The following ABLIM2 variants were observed in gnomAD, a reference collection of about 807,000 sequenced individuals.
ABLIM2 encodes actin-binding LIM protein 2.
Under a neutral mutation model 97.7 loss-of-function variants are expected in ABLIM2, and 53 were observed. That is an observed-to-expected ratio of 0.54 (90% confidence interval 0.44 to 0.68). The LOEUF is 0.68. Among genes scored for constraint, ABLIM2 ranks in the 30% least tolerant of loss-of-function variants. The probability of loss-of-function intolerance (pLI) is 0.00; values close to 1 mark genes in which losing one functional copy is unlikely to be tolerated. For missense variants in ABLIM2, 835 were observed against 867.2 expected, an observed-to-expected ratio of 0.96 and a Z score of 0.47; for synonymous variants, 361 against 345.8, an observed-to-expected ratio of 1.04 and a Z score of -0.49.
intron 18 of ABLIM2, 71 bp from the exon 19 acceptor site, chr4:7,983,625 A>C: frequency 6.3e-7 from 1 of 1,575,914 alleles, no homozygotes; most frequent in East Asian, 2.3e-5. Context: ...GGTGAGTGCA[A>C]TCCCTGCCCT....
intron 20 of ABLIM2, among the ~76,000 whole-genome samples, chr4:7,982,491 C>T (rs1574393): frequency 0.17 from 25,765 of 152,184 alleles, 2,726 homozygotes; most frequent in East Asian, 0.5. Flanking sequence ...CACTTTGGCA[C>T]GTAGTAGTTA....
rs978578146 is a variant in ABLIM2, at chr4:8,149,292, T to A, written c.10+9388A>T. ...TGGCAAAATCCTTCACATAGTCGCA[T>A]ATGAACAGTCATTTTGCCGCATGAG... On this transcript the variant is annotated intron_variant, in intron 1 of 20. Coordinates refer to ENST00000447017, the MANE Select transcript of ABLIM2 (RefSeq NM_001130083.2). The surrounding 1 kb of genome is among the most constrained non-coding windows in gnomAD (Gnocchi z 6.4). Among the ~76,000 whole-genome samples the A allele has an allele frequency of 3.9e-5, 6 of 152,134 alleles. No homozygotes were observed. The highest frequency in any genetic ancestry group is 1.4e-4 in the African/African-American group (6 of 41,434).
At chr4:8,020,340 G>T (rs1221644495) in intron 12 of ABLIM2, 37 bp from the exon 13 acceptor site, 1 of 1,554,062 alleles carries the variant, frequency 6.4e-7, no homozygotes, top group Non-Finnish European at 8.9e-7. Context: ...GATAGAAGGG[G>T]AAACGGGAAA....
At position 8,106,717 on chromosome 4, in the gene ABLIM2, G is replaced by A. The variant is rs538976632; in HGVS notation, c.11-80C>T. ...GTGAGCAAAGCAGGCGTGTGAGGAC[G>A]CACAGCTGACCCTGCCAGCGGGCCC... On this transcript the variant is annotated intron_variant, in intron 1 of 20. Coordinates refer to ENST00000447017, the MANE Select transcript of ABLIM2 (RefSeq NM_001130083.2). The A allele has an allele frequency of 1.1e-5, 17 of 1,490,474 alleles. No individual in the cohort carries two copies. In the East Asian group the frequency reaches 1.9e-4, roughly 17 times the overall value. 92.3% of individuals were successfully genotyped at this position (1,490,474 alleles called of 1,614,324 possible).
rs147351263 is a variant in ABLIM2 at position 8,054,316 on chromosome 4, G to A, written c.764-70C>T. 6,793 of 1,527,120 alleles carry A rather than the reference G, an allele frequency of 4.4e-3. 34 individuals are homozygous for A. The highest frequency in any genetic ancestry group is 5.5e-3 in the Non-Finnish European group (6,100 of 1,105,962). The allele number at this position is 1,527,120 out of a possible 1,614,324, so 94.6% of individuals were successfully genotyped here. ...ATGTTGCAGGGGCCTGTGTGGAAACGCAGAGGAGGGAGCTGGTCCATGCAC... is the reference window on the plus strand; with the variant it reads ...ATGTTGCAGGGGCCTGTGTGGAAACACAGAGGAGGGAGCTGGTCCATGCAC... On this transcript the variant is annotated intron_variant, in intron 7 of 20. Transcript: ENST00000447017. The surrounding 1 kb of genome is among the most constrained non-coding windows in gnomAD (Gnocchi z 4.9).
rs147570051 is a variant in ABLIM2, at chr4:8,082,241, C to T, written c.455-1439G>A. On this transcript the variant is annotated intron_variant, in intron 4 of 20. Coordinates refer to ENST00000447017, the MANE Select transcript of ABLIM2 (RefSeq NM_001130083.2). The surrounding 1 kb of genome is among the most constrained non-coding windows in gnomAD (Gnocchi z 5.6). ...ATGGAAAGAAGGTGGCCCCAGGGCC[C>T]GACGTGCTGGGTACAAATCCTGGCC... is the stretch of plus-strand genomic sequence containing the variant. Among the ~76,000 whole-genome samples, 149 of 152,268 alleles carry T rather than the reference C, an allele frequency of 9.8e-4. No individual in the cohort carries two copies. Among genetic ancestry groups the T allele is most frequent in the African/African-American group, 3.2e-3 (134 of 41,544 alleles).
At chr4:8,037,937 C>T (rs1268846329) in intron 9 of ABLIM2, among the ~76,000 whole-genome samples, 11 of 152,230 alleles carry the variant, frequency 7.2e-5, no homozygotes, top group African/African-American at 4.8e-5. Flanking sequence ...AGCCTTCCTC[C>T]GCGGTACCCC....
At position 8,019,663 on chromosome 4, in the gene ABLIM2, C is replaced by T. The variant is rs370025292; in HGVS notation, c.1378G>A (p.Val460Ile). ...GGTTTCCTATAGATGTTATCTTTTA[C>T]GCCAGTGTCTGGGGAAGAAGAAAGA... ...PRHFHVPDTGVKDNIYRKPPI... is the reference protein window; with the variant it reads ...PRHFHVPDTGIKDNIYRKPPI... The change falls in exon 14 of 21, where the codon GTA (valine) becomes ATA (isoleucine). Residue 460 changes from valine (V) to isoleucine (I), a missense_variant. Physicochemically the swap from Val to Ile is conservative, Grantham distance 29 (BLOSUM62 3). Coordinates refer to ENST00000447017, the MANE Select transcript of ABLIM2 (RefSeq NM_001130083.2). This position sits in a 1 kb window ranked among gnomAD's most constrained non-coding sequence, Gnocchi z 4.3. The T allele has an allele frequency of 2.1e-5, 34 of 1,611,758 alleles. No individual in the cohort carries two copies. The highest frequency in any genetic ancestry group is 1.6e-4 in the Middle Eastern group (1 of 6,076).
intron 1 of ABLIM2, among the ~76,000 whole-genome samples, chr4:8,142,169 GC>G: frequency 1.3e-5 from 2 of 152,340 alleles, no homozygotes; most frequent in East Asian, 3.9e-4. Flanking sequence ...ATCTGGGACA[GC>G]AAGGGCCAGG....
rs571004166 is a variant in ABLIM2 at position 8,107,559 on chromosome 4, C to A, written c.11-922G>T. Among the ~76,000 whole-genome samples the A allele has an allele frequency of 5.9e-5, 9 of 152,156 alleles. No individual in the cohort carries two copies. The East Asian group carries it at 1.5e-3, about 26-fold the overall frequency. ...CAGCCACACAGGACCCGGGCAGGAC[C>A]CAGCTGCCCGGACAAGTGGAGGCAA... On this transcript the variant is annotated intron_variant, in intron 1 of 20. Transcript: ENST00000447017.
At chr4:8,097,646 TG>T (rs896038647) in intron 2 of ABLIM2, among the ~76,000 whole-genome samples, 3 of 152,186 alleles carry the variant, frequency 2.0e-5, no homozygotes, top group African/African-American at 7.2e-5. Context: ...TCCAGTGGGC[TG>T]TTTCCAGCAC....
At chr4:8,098,078 G>A (rs1049689196) in intron 2 of ABLIM2, among the ~76,000 whole-genome samples, 3 of 152,128 alleles carry the variant, frequency 2.0e-5, no homozygotes, top group South Asian at 2.1e-4. Context: ...CCTGAGACCC[G>A]ATCGCATTCC....
intron 20 of ABLIM2, among the ~76,000 whole-genome samples, chr4:7,974,367 T>TCATCCATC (rs1180462781): frequency 1.3e-5 from 1 of 74,082 alleles, no homozygotes; most frequent in Non-Finnish European, 2.8e-5. Context: ...ACTCCTCCAT[T>TCATCCATC]CATCCATCCA....
At chr4:8,084,170 T>C (rs751634273) in intron 4 of ABLIM2, among the ~76,000 whole-genome samples, 5 of 152,188 alleles carry the variant, frequency 3.3e-5, no homozygotes, top group Non-Finnish European at 7.4e-5. Context: ...TTTAGGAACC[T>C]GTACTGAGGA....
chr4:8,051,430 G>A (rs1038015917), intron 8 of ABLIM2, among the ~76,000 whole-genome samples: 2 of 151,664 alleles, frequency 1.3e-5, no homozygotes, highest in African/African-American at 4.8e-5. Context: ...GGTGGTGCGT[G>A]GCTGTAGTCC....
Position 8,130,790 on chromosome 4 carries a change from G to A in ABLIM2, c.11-24153C>T, listed in dbSNP as rs764594691. On this transcript the variant is annotated intron_variant, in intron 1 of 20. Coordinates refer to ENST00000447017, the MANE Select transcript of ABLIM2 (RefSeq NM_001130083.2). The surrounding 1 kb of genome is among the most constrained non-coding windows in gnomAD (Gnocchi z 4.2). The stretch of plus-strand genomic sequence containing the variant: ...ACAACAAGGACAGGAATACAAAATC[G>A]GTATCACTGGGCTGATGTCAAGGCA... 2.0e-5 allele frequency among the ~76,000 whole-genome samples: 3 copies of A among 152,174 alleles called. No individual in the cohort carries two copies. The highest frequency in any genetic ancestry group is 2.1e-4 in the South Asian group (1 of 4,828).
rs1781360153 is a variant in ABLIM2, at chr4:8,032,161, T to C, written c.1048-2385A>G. On this transcript the variant is annotated intron_variant, in intron 10 of 20. Coordinates refer to ENST00000447017, the MANE Select transcript of ABLIM2 (RefSeq NM_001130083.2). The surrounding 1 kb of genome is among the most constrained non-coding windows in gnomAD (Gnocchi z 4.3). ...TGCGGCCGCACAGACTGCAGTCTGA[T>C]TGGCAGCTCTCTATGTCACTGATTA... 6.6e-6 allele frequency among the ~76,000 whole-genome samples: 1 copy of C among 151,560 alleles called. No individual in the cohort carries two copies. The highest frequency in any genetic ancestry group is 1.5e-5 in the Non-Finnish European group (1 of 67,910).
intron 2 of ABLIM2, among the ~76,000 whole-genome samples, chr4:8,101,624 C>T (rs1834694273): frequency 6.6e-6 from 1 of 152,214 alleles, no homozygotes; most frequent in Non-Finnish European, 1.5e-5. Flanking sequence ...ACACGTCCTT[C>T]CCTCCCTGCC....
Position 8,044,948 on chromosome 4 carries a change from G to A in ABLIM2, c.900+216C>T, listed in dbSNP as rs1791329256. Among the ~76,000 whole-genome samples the A allele has an allele frequency of 6.6e-6, 1 of 152,200 alleles. No homozygotes were observed. The highest frequency in any genetic ancestry group is 2.4e-5 in the African/African-American group (1 of 41,446). On this transcript the variant is annotated intron_variant, in intron 9 of 20. Coordinates refer to ENST00000447017, the MANE Select transcript of ABLIM2 (RefSeq NM_001130083.2). This position sits in a 1 kb window ranked among gnomAD's most constrained non-coding sequence, Gnocchi z 4.4. ...AGATAATTGGGGACAGGTTCCCAGG[G>A]GAATTGCCGGGTCAAACAAACATGT...
Sources: allele counts gnomAD v4.1 joint callset (sites outside exome capture counted in the v4.1 genomes callset), GRCh38; gene constraint gnomAD v4.1.1; non-coding constraint Gnocchi (gnomAD v3.1); transcripts MANE v1.5; gene names NCBI Gene and HGNC (gene_info 2026-07-23, HGNC 2026-07-21).